The following TENM3 variants were observed in gnomAD, a reference collection of about 807,000 sequenced individuals.
The protein encoded by TENM3 is teneurin transmembrane protein 3, also known as teneurin-3.
Under a neutral mutation model 255.1 loss-of-function variants are expected in TENM3, and 63 were observed. That is an observed-to-expected ratio of 0.25 (90% confidence interval 0.20 to 0.30). The LOEUF is 0.30. Ranked by LOEUF, TENM3 falls within the 10% of genes least tolerant of loss-of-function variation. The pLI is 1.00. For synonymous variants in TENM3, 1,306 were observed against 1,322.3 expected (o/e 0.99, Z 0.27); for missense variants, 2,929 against 3,461.1 (o/e 0.85, Z 3.86).
the TENM3 span, among the ~76,000 whole-genome samples, chr4:181,625,374 G>A: frequency 6.6e-6 from 1 of 152,188 alleles, no homozygotes; most frequent in East Asian, 1.9e-4. Context: ...TTCCATTTGT[G>A]AGAAGTGCAG....
the TENM3 span, among the ~76,000 whole-genome samples, chr4:181,679,141 A>G: frequency 6.6e-6 from 1 of 152,086 alleles, no homozygotes; most frequent in African/African-American, 2.4e-5. Flanking sequence ...AGGGTACTTC[A>G]ACCATTCATC....
chr4:182,157,209 A>C (rs1222226465), intron 1 of TENM3, among the ~76,000 whole-genome samples: 1 of 152,134 alleles, frequency 6.6e-6, no homozygotes, highest in Non-Finnish European at 1.5e-5. Flanking sequence ...AATGTTTCGA[A>C]ACATAGTGAA....
Position 182,799,870 on chromosome 4 carries a change from C to A in TENM3, c.7619C>A (p.Thr2540Asn). 1 of 1,610,946 alleles carries A rather than the reference C, an allele frequency of 6.2e-7. No individual in the cohort carries two copies. Among genetic ancestry groups the A allele is most frequent in the Non-Finnish European group, 8.5e-7 (1 of 1,178,814 alleles). The change falls in exon 28 of 28, where the codon ACC (threonine) becomes AAC (asparagine). Residue 2540 changes from threonine (T) to asparagine (N), a missense_variant. By Grantham distance (65) the Thr-to-Asn change is moderately conservative. Coordinates refer to ENST00000511685, the MANE Select transcript of TENM3 (RefSeq NM_001080477.4). The surrounding 1 kb of genome is among the most constrained non-coding windows in gnomAD (Gnocchi z 4.2). ...NAFYLENLHF[T>N]IEGKDTHYFI... ...TTCTACCTGGAGAACCTGCACTTCA[C>A]CATCGAGGGCAAGGACACGCACTAC...
chr4:182,673,264 C>T (rs762318389), intron 7 of TENM3, 45 bp downstream of exon 7: 6 of 1,355,862 alleles, frequency 4.4e-6, no homozygotes, highest in Admixed American at 4.3e-5. Flanking sequence ...CTGCCAGTTG[C>T]ATTTTTTGAA....
At chr4:182,151,638 A>G (rs1349388970) in intron 1 of TENM3, among the ~76,000 whole-genome samples, 2 of 152,046 alleles carry the variant, frequency 1.3e-5, no homozygotes, top group Non-Finnish European at 2.9e-5. Context: ...TGAAGAATAA[A>G]TCTATGACTT....
At chr4:182,478,002 T>G (rs1181740605) in intron 3 of TENM3, among the ~76,000 whole-genome samples, 2 of 152,184 alleles carry the variant, frequency 1.3e-5, no homozygotes, top group African/African-American at 2.4e-5. Flanking sequence ...TCATACCAAT[T>G]GTCAATTTTA....
At chr4:181,686,080 T>C in the TENM3 span, among the ~76,000 whole-genome samples, 1 of 152,152 alleles carries the variant, frequency 6.6e-6, no homozygotes, top group Non-Finnish European at 1.5e-5. Context: ...TGCCCTTTGC[T>C]GGGCTCTGGC....
chr4:181,743,001 T>C, the TENM3 span, among the ~76,000 whole-genome samples: 1 of 152,112 alleles, frequency 6.6e-6, no homozygotes, highest in Non-Finnish European at 1.5e-5. Context: ...ACAAAGAACA[T>C]GAACTCATCA....
At chr4:181,772,067 T>G in the TENM3 span, among the ~76,000 whole-genome samples, 82 of 152,230 alleles carry the variant, frequency 5.4e-4, no homozygotes, top group East Asian at 0.012. Context: ...CAAAGAAAAT[T>G]TATGATATGA....
chr4:181,564,150 C>T, the TENM3 span, among the ~76,000 whole-genome samples: 2 of 150,178 alleles, frequency 1.3e-5, no homozygotes, highest in African/African-American at 4.9e-5. Context: ...AAGTGATTCT[C>T]CTGCCTCAGT....
Position 182,365,230 on chromosome 4 carries a change from T to C in TENM3, c.511+18301T>C, listed in dbSNP as rs371101214. On this transcript the variant is annotated intron_variant, in intron 3 of 27. Transcript: ENST00000511685. The stretch of plus-strand genomic sequence containing the variant: ...AATTGCCAGTTCTTGCCTCTGTCCC[T>C]TATTCTGTGTGGATGTATGAAGAAA... Among the ~76,000 whole-genome samples the C allele has an allele frequency of 5.3e-5, 8 of 152,368 alleles. No homozygotes were observed. In the East Asian group the frequency reaches 1.5e-3, roughly 29 times the overall value.
At chr4:182,037,199 G>C in the TENM3 span, among the ~76,000 whole-genome samples, 3 of 149,958 alleles carry the variant, frequency 2.0e-5, no homozygotes, top group African/African-American at 4.9e-5. Flanking sequence ...CCAGGCTGGA[G>C]TGCAGTGGTG....
the TENM3 span, among the ~76,000 whole-genome samples, chr4:181,554,302 C>T: frequency 0.033 from 5,036 of 152,256 alleles, 94 homozygotes; most frequent in Non-Finnish European, 0.045. Context: ...GTCTCATGTA[C>T]AGCTAAAGAA....
At chr4:182,070,608 C>T in the TENM3 span, among the ~76,000 whole-genome samples, 58 of 152,182 alleles carry the variant, frequency 3.8e-4, no homozygotes, top group Middle Eastern at 0.01. Context: ...CAGAGTGAGA[C>T]TCTGTGTCAA....
chr4:182,722,946 A>G (rs1759868134), intron 13 of TENM3, among the ~76,000 whole-genome samples: 1 of 152,236 alleles, frequency 6.6e-6, no homozygotes, highest in South Asian at 2.1e-4. Context: ...GATAACGTTC[A>G]GGTTTCTATG....
At chr4:181,518,405 TTTG>T in the TENM3 span, among the ~76,000 whole-genome samples, 7 of 152,122 alleles carry the variant, frequency 4.6e-5, no homozygotes, top group African/African-American at 1.7e-4. Context: ...GGACTTGTTT[TTTG>T]TTGTTGTTGT....
At chr4:182,110,645 C>T in the TENM3 span, among the ~76,000 whole-genome samples, 1 of 152,070 alleles carries the variant, frequency 6.6e-6, no homozygotes, top group East Asian at 1.9e-4. Context: ...TTCAGAACCT[C>T]GAAAGCCTAA....
At chr4:182,002,236 A>C in the TENM3 span, among the ~76,000 whole-genome samples, 1 of 152,070 alleles carries the variant, frequency 6.6e-6, no homozygotes, top group Non-Finnish European at 1.5e-5. Flanking sequence ...ACTTGAACTC[A>C]TTTATTGGTC....
chr4:182,684,369 C>T (rs886546764), intron 11 of TENM3, among the ~76,000 whole-genome samples: 2 of 136,262 alleles, frequency 1.5e-5, no homozygotes, highest in Non-Finnish European at 3.0e-5. Flanking sequence ...GCCTGTTTAA[C>T]AGTAAGTGGC....
Sources: allele counts gnomAD v4.1 joint callset (sites outside exome capture counted in the v4.1 genomes callset), GRCh38; gene constraint gnomAD v4.1.1; non-coding constraint Gnocchi (gnomAD v3.1); transcripts MANE v1.5; gene names NCBI Gene and HGNC (gene_info 2026-07-23, HGNC 2026-07-21).